The following NEDD4 variants were observed in gnomAD, a reference collection of about 807,000 sequenced individuals.
NEDD4 encodes NEDD4 E3 ubiquitin protein ligase.
Under a neutral mutation model 144.9 loss-of-function variants are expected in NEDD4, and 99 were observed. The ratio of observed to expected loss-of-function variants is 0.68; its 90% CI spans 0.58 to 0.81. The LOEUF (loss-of-function observed/expected upper bound fraction) is 0.81. Among genes scored for constraint, NEDD4 ranks in the 30% least tolerant of loss-of-function variants. NEDD4 has a pLI of 0.00. For missense variants in NEDD4, 985 were observed against 1,065.9 expected (o/e 0.92, Z 1.06); for synonymous variants, 318 against 350.6 (o/e 0.91, Z 1.04).
intron 4 of NEDD4, among the ~76,000 whole-genome samples, chr15:55,938,056 G>A (rs2036926091): frequency 2.0e-5 from 3 of 152,056 alleles, no homozygotes; most frequent in Admixed American, 1.3e-4. Context: ...AAAGGGGAAA[G>A]GACAGTCTCT....
At chr15:55,964,583 G>C (rs1595878980) in intron 2 of NEDD4, among the ~76,000 whole-genome samples, 1 of 151,198 alleles carries the variant, frequency 6.6e-6, no homozygotes, top group East Asian at 1.9e-4. Flanking sequence ...TTTTAGATAA[G>C]TAATTTTGCA....
chr15:55,891,521 G>A (rs1310784425), intron 5 of NEDD4, among the ~76,000 whole-genome samples: 1 of 152,176 alleles, frequency 6.6e-6, no homozygotes, highest in Non-Finnish European at 1.5e-5. Context: ...TTCTTTGCAA[G>A]AGTTATTTCC....
intron 2 of NEDD4, among the ~76,000 whole-genome samples, chr15:55,961,205 C>T (rs2037420333): frequency 6.6e-6 from 1 of 152,094 alleles, no homozygotes; most frequent in Non-Finnish European, 1.5e-5. Flanking sequence ...CTAAGAATAC[C>T]CATGAAAGGC....
At chr15:55,952,546 T>C (rs1002456569) in intron 2 of NEDD4, 1 of 152,076 alleles carries the variant, frequency 6.6e-6, no homozygotes, top group East Asian at 1.9e-4. Context: ...ATCCAAACTA[T>C]CCTTCCCCCA....
chr15:55,927,093 A>G lies in NEDD4; in HGVS notation c.238-2394T>C, dbSNP rs1284479535. ...ACTACGTCTCAAAAAAAAAAAAAAA[A>G]AAAAAAGAAAGAAAGAAAAAGAAAA... On this transcript the variant is annotated intron_variant, in intron 4 of 28. Coordinates refer to ENST00000435532, the MANE Select transcript of NEDD4 (RefSeq NM_006154.4). Among the ~76,000 whole-genome samples, 24 of 150,604 alleles carry G rather than the reference A, an allele frequency of 1.6e-4. 1 individual carries two copies. The highest frequency in any genetic ancestry group is 2.0e-4 in the Admixed American group (3 of 15,110).
At chr15:55,865,097 CTGGG>C (rs2034539966) in intron 8 of NEDD4, among the ~76,000 whole-genome samples, 7 of 148,274 alleles carry the variant, frequency 4.7e-5, no homozygotes, top group African/African-American at 1.7e-4. Flanking sequence ...ACTCGAGAGG[CTGGG>C]GCAGGAGAAT....
chr15:55,935,923 C>G (rs1324281411), intron 4 of NEDD4, among the ~76,000 whole-genome samples: 1 of 149,944 alleles, frequency 6.7e-6, no homozygotes, highest in African/African-American at 2.4e-5. Flanking sequence ...GTCTTTGGAA[C>G]TGCTGTAAGT....
intron 1 of NEDD4, among the ~76,000 whole-genome samples, chr15:55,969,160 T>C (rs766435242): frequency 6.6e-6 from 1 of 152,140 alleles, no homozygotes; most frequent in Non-Finnish European, 1.5e-5. Context: ...GGACTTTGCA[T>C]TGGAACTCAG....
intron 11 of NEDD4, among the ~76,000 whole-genome samples, chr15:55,858,213 A>G (rs2034269430): frequency 6.6e-6 from 1 of 152,130 alleles, no homozygotes; most frequent in Non-Finnish European, 1.5e-5. Context: ...GTATTACACT[A>G]TATGGTTGCC....
At chr15:55,923,625 G>A (rs970696589) in intron 5 of NEDD4, among the ~76,000 whole-genome samples, 3 of 128,374 alleles carry the variant, frequency 2.3e-5, no homozygotes, top group South Asian at 2.5e-4. Context: ...CCCACCTGGC[G>A]ACAAAGCGAG....
chr15:55,932,835 AAAC>A (rs1379993316), intron 4 of NEDD4, among the ~76,000 whole-genome samples: 3 of 152,198 alleles, frequency 2.0e-5, no homozygotes, highest in Admixed American at 2.0e-4. Context: ...AAAAAAAATC[AAAC>A]AACTCCATCA....
chr15:55,851,841 A>G (rs2033994742), intron 13 of NEDD4, among the ~76,000 whole-genome samples: 1 of 152,126 alleles, frequency 6.6e-6, no homozygotes, highest in Non-Finnish European at 1.5e-5. Flanking sequence ...TAATGATCCT[A>G]ACTATTCAAA....
chr15:55,849,543 C>T (rs1430151079), intron 14 of NEDD4, among the ~76,000 whole-genome samples: 11 of 152,056 alleles, frequency 7.2e-5, no homozygotes, highest in Non-Finnish European at 1.6e-4. Context: ...AGCCCCAGAA[C>T]ATGCATTTTG....
chr15:55,833,440 T>C (rs932502470), intron 26 of NEDD4, among the ~76,000 whole-genome samples: 1 of 152,072 alleles, frequency 6.6e-6, no homozygotes, highest in Non-Finnish European at 1.5e-5. Flanking sequence ...GGTGGATCAC[T>C]TGAGGTCAGG....
intron 5 of NEDD4, among the ~76,000 whole-genome samples, chr15:55,902,809 A>G (rs2035953218): frequency 6.6e-6 from 1 of 152,178 alleles, no homozygotes; most frequent in Non-Finnish European, 1.5e-5. Flanking sequence ...AAGTAATTAT[A>G]AATCACAAGT....
intron 18 of NEDD4, among the ~76,000 whole-genome samples, chr15:55,844,909 G>A (rs1285275940): frequency 6.6e-6 from 1 of 151,594 alleles, no homozygotes. Flanking sequence ...CTGAGCTCAA[G>A]TAATTCTCCT....
At chr15:55,975,242 A>G (rs1484734799) in intron 1 of NEDD4, among the ~76,000 whole-genome samples, 1 of 152,098 alleles carries the variant, frequency 6.6e-6, no homozygotes, top group African/African-American at 2.4e-5. Flanking sequence ...TCCTAGCTAG[A>G]GAAATCAGAT....
chr15:55,893,928 C>G (rs1490793477), intron 5 of NEDD4, among the ~76,000 whole-genome samples: 1 of 151,602 alleles, frequency 6.6e-6, no homozygotes, highest in African/African-American at 2.4e-5. Context: ...TTCCTACTTC[C>G]TTATTGACTG....
chr15:55,832,350 A>T (rs1190920291), intron 27 of NEDD4, among the ~76,000 whole-genome samples: 2 of 152,188 alleles, frequency 1.3e-5, no homozygotes, highest in African/African-American at 2.4e-5. Flanking sequence ...TTATTTTTTT[A>T]AAAATACACT....
Sources: gnomAD v4.1 joint callset for allele counts (sites outside exome capture counted in the v4.1 genomes callset) on GRCh38, gnomAD v4.1.1 for gene constraint, MANE v1.5 for transcripts, NCBI Gene and HGNC (gene_info 2026-07-23, HGNC 2026-07-21) for gene names.